Variants in TAFA1 observed in about 807,000 individuals in gnomAD.
The protein encoded by TAFA1 is TAFA chemokine like family member 1.
TAFA1 carries 4 observed loss-of-function variants against 18.5 expected under a neutral mutation model. The ratio of observed to expected loss-of-function variants is 0.22; its 90% confidence interval spans 0.11 to 0.49. TAFA1 has a LOEUF of 0.49. Among genes scored for constraint, TAFA1 ranks in the 20% least tolerant of loss-of-function variants. The pLI, the probability that TAFA1 is intolerant of heterozygous loss-of-function variation, is 0.98. For missense variants in TAFA1, 147 were observed against 169.0 expected, an observed-to-expected ratio of 0.87 and a Z score of 0.72; for synonymous variants, 56 against 55.2, an observed-to-expected ratio of 1.01 and a Z score of -0.06.
intron 2 of TAFA1, among the ~76,000 whole-genome samples, chr3:68,052,135 A>C (rs935605632): frequency 6.6e-6 from 1 of 152,150 alleles, no homozygotes; most frequent in Non-Finnish European, 1.5e-5. Flanking sequence ...ATCCCCATTC[A>C]AAATGCTTTC....
chr3:68,006,488 T>C, intron 1 of TAFA1, 136 bp from the exon 2 acceptor site: 1 of 667,860 alleles, frequency 1.5e-6, no homozygotes, highest in Non-Finnish European at 2.8e-6. Context: ...GCATGACCTC[T>C]GCTGGATCAT....
chr3:68,066,985 T>TTGACATGGTATCAAGCAAGACGGCC (rs2064686438), intron 2 of TAFA1, among the ~76,000 whole-genome samples: 1 of 152,136 alleles, frequency 6.6e-6, no homozygotes, highest in South Asian at 2.1e-4. Context: ...TGTAAAGTCT[T>TTGACATGGTATCAAGCAAGACGGCC]TGACATGGTA....
intron 2 of TAFA1, among the ~76,000 whole-genome samples, chr3:68,272,778 C>T (rs1396122836): frequency 3.3e-5 from 5 of 152,046 alleles, no homozygotes; most frequent in Non-Finnish European, 5.9e-5. Flanking sequence ...CCAAAGCTAA[C>T]CTTAAAGTCA....
intron 2 of TAFA1, among the ~76,000 whole-genome samples, chr3:68,141,537 G>A (rs1305066866): frequency 6.6e-6 from 1 of 152,152 alleles, no homozygotes; most frequent in Non-Finnish European, 1.5e-5. Flanking sequence ...CCCAGTTCTG[G>A]TGGGATGCCC....
intron 2 of TAFA1, among the ~76,000 whole-genome samples, chr3:68,341,483 G>A (rs2069082326): frequency 6.6e-6 from 1 of 152,142 alleles, no homozygotes; most frequent in Admixed American, 6.5e-5. Flanking sequence ...TCAAACTCTT[G>A]CAGCTAGAGG....
At chr3:68,351,828 G>A (rs2069276431) in intron 2 of TAFA1, among the ~76,000 whole-genome samples, 3 of 151,976 alleles carry the variant, frequency 2.0e-5, no homozygotes, top group African/African-American at 7.2e-5. Context: ...AGAGGGGGAA[G>A]TTTACCTTTG....
At chr3:68,106,507 A>G (rs890802842) in intron 2 of TAFA1, among the ~76,000 whole-genome samples, 1 of 152,178 alleles carries the variant, frequency 6.6e-6, no homozygotes, top group African/African-American at 2.4e-5. Context: ...AGAAGAAATT[A>G]TAGCTAATAC....
In TAFA1 at chr3:68,319,401, T is replaced by G. The variant is rs533519123; in HGVS notation, c.119-97879T>G. Among the ~76,000 whole-genome samples the G allele has an allele frequency of 5.9e-5, 9 of 152,222 alleles. No individual in the cohort carries two copies. In the South Asian group the frequency reaches 1.7e-3, roughly 28 times the overall value. The stretch of plus-strand genomic sequence containing the variant: ...GCAGAGACATGGTTGTCATGACTGA[T>G]GCTTGGTTGGGGGTGGCAGGGAAGA... On this transcript the variant is annotated intron_variant, in intron 2 of 4. Coordinates refer to ENST00000478136, the MANE Select transcript of TAFA1 (RefSeq NM_213609.4).
At position 68,071,867 on chromosome 3, in the gene TAFA1, C is replaced by G. The variant is rs1183985635; in HGVS notation, c.118+65123C>G. On this transcript the variant is annotated intron_variant, in intron 2 of 4. Transcript: ENST00000478136. ...GAAATGACCAGATCTTAGGAGAACT[C>G]ACTCGCTATCACAAAGATAGCACCA... is the stretch of plus-strand genomic sequence containing the variant. Among the ~76,000 whole-genome samples the G allele has an allele frequency of 3.3e-5, 5 of 151,894 alleles. No homozygotes were observed. In the East Asian group the frequency reaches 9.7e-4, roughly 30 times the overall value.
At chr3:68,475,050 A>T (rs1173665755) in intron 3 of TAFA1, among the ~76,000 whole-genome samples, 1 of 152,124 alleles carries the variant, frequency 6.6e-6, no homozygotes, top group African/African-American at 2.4e-5. Flanking sequence ...ACCATTGATG[A>T]TAAAACTGAA....
At chr3:68,145,214 C>A in intron 2 of TAFA1, 1 of 798,524 alleles carries the variant, frequency 1.3e-6, no homozygotes, top group Non-Finnish European at 2.3e-6. Flanking sequence ...AAATTCTGAA[C>A]TTGGGGGAAT....
chr3:68,400,957 T>C (rs967056160), intron 2 of TAFA1, among the ~76,000 whole-genome samples: 2 of 152,204 alleles, frequency 1.3e-5, no homozygotes, highest in African/African-American at 4.8e-5. Context: ...GGCAAATTAC[T>C]GTTCTAGCCA....
intron 3 of TAFA1, among the ~76,000 whole-genome samples, chr3:68,524,566 A>T (rs1298231766): frequency 3.3e-5 from 5 of 152,228 alleles, no homozygotes; most frequent in Non-Finnish European, 7.3e-5. Context: ...ATTGCTAGAA[A>T]AGTAAGGTTT....
chr3:68,026,145 C>T (rs751742196), intron 2 of TAFA1, among the ~76,000 whole-genome samples: 3 of 152,156 alleles, frequency 2.0e-5, no homozygotes, highest in East Asian at 3.9e-4. Context: ...CAGCCTTCAG[C>T]TCTTTGCTAA....
At chr3:68,038,756 C>G (rs1705105264) in intron 2 of TAFA1, among the ~76,000 whole-genome samples, 1 of 152,044 alleles carries the variant, frequency 6.6e-6, no homozygotes, top group Non-Finnish European at 1.5e-5. Flanking sequence ...AAACAACAAC[C>G]CTAGTTTCTT....
At chr3:68,023,434 A>G (rs567800550) in intron 2 of TAFA1, among the ~76,000 whole-genome samples, 1 of 152,248 alleles carries the variant, frequency 6.6e-6, no homozygotes, top group Non-Finnish European at 1.5e-5. Flanking sequence ...ATCACAACTC[A>G]CTGGCCAGAC....
At chr3:68,251,217 C>T (rs2107163052) in intron 2 of TAFA1, among the ~76,000 whole-genome samples, 1 of 152,310 alleles carries the variant, frequency 6.6e-6, no homozygotes, top group South Asian at 2.1e-4. Context: ...TGGATACAGA[C>T]TGAGCTGCCC....
intron 2 of TAFA1, among the ~76,000 whole-genome samples, chr3:68,235,802 C>T (rs191599657): frequency 6.6e-6 from 1 of 152,176 alleles, no homozygotes; most frequent in East Asian, 1.9e-4. Flanking sequence ...AAACCTGGTG[C>T]TTCAGAGAAC....
chr3:68,303,868 C>A (rs1371922226), intron 2 of TAFA1, among the ~76,000 whole-genome samples: 2 of 150,594 alleles, frequency 1.3e-5, no homozygotes, highest in Non-Finnish European at 3.0e-5. Flanking sequence ...TTTTCCTTAT[C>A]AAAAAAAAAT....
Sources: allele counts gnomAD v4.1 joint callset (sites outside exome capture counted in the v4.1 genomes callset), GRCh38; gene constraint gnomAD v4.1.1; transcripts MANE v1.5; gene names NCBI Gene and HGNC (gene_info 2026-07-23, HGNC 2026-07-21).